The following WDFY4 variants were observed in gnomAD, a reference collection of about 807,000 sequenced individuals.
The protein encoded by WDFY4 is WD repeat- and FYVE domain-containing protein 4.
A neutral mutation model predicts 351.9 loss-of-function variants in WDFY4; 169 were observed. The observed-to-expected ratio is 0.48, with a 90% CI of 0.42 to 0.55. The LOEUF (loss-of-function observed/expected upper bound fraction) is 0.55, where lower values mean the gene tolerates loss of function less well. Ranked by LOEUF, WDFY4 falls within the 20% of genes least tolerant of loss-of-function variation. The pLI is 0.00. For missense variants in WDFY4, 3,803 were observed against 3,935.6 expected, an observed-to-expected ratio of 0.97 and a Z score of 0.90; for synonymous variants, 1,622 against 1,574.6, an observed-to-expected ratio of 1.03 and a Z score of -0.71.
At chr10:48,766,659 A>AT (rs1447681040) in intron 13 of WDFY4, among the ~76,000 whole-genome samples, 2 of 152,238 alleles carry the variant, frequency 1.3e-5, no homozygotes, top group African/African-American at 4.8e-5. Context: ...AGAAGAAGGG[A>AT]TAAAAAGCAA....
chr10:48,746,400 T>C (rs1238364565), intron 12 of WDFY4, among the ~76,000 whole-genome samples: 1 of 152,190 alleles, frequency 6.6e-6, no homozygotes, highest in East Asian at 1.9e-4. Flanking sequence ...GTGCCTGGGA[T>C]TTTTCTTCAT....
intron 1 of WDFY4, among the ~76,000 whole-genome samples, chr10:48,698,046 C>T (rs12245739): frequency 0.046 from 6,969 of 152,202 alleles, 279 homozygotes; most frequent in African/African-American, 0.1. Flanking sequence ...AGATGGCCTC[C>T]GAGGAGGGGA....
At chr10:48,801,537 A>G in intron 24 of WDFY4, 1 of 456,442 alleles carries the variant, frequency 2.2e-6, no homozygotes. Context: ...CTGGATACCC[A>G]TGTTTTCACT....
intron 39 of WDFY4, among the ~76,000 whole-genome samples, chr10:48,858,502 T>C (rs888456626): frequency 2.6e-5 from 4 of 152,204 alleles, no homozygotes; most frequent in African/African-American, 9.7e-5. Context: ...TGTCAAAAAT[T>C]AGTTGGGCAT....
intron 24 of WDFY4, among the ~76,000 whole-genome samples, chr10:48,800,708 TTCTTTCTTTCTTTCATTCTTTC>T (rs2067047696): frequency 7.2e-6 from 1 of 139,856 alleles, no homozygotes; most frequent in African/African-American, 2.9e-5. Context: ...CTTTCTTTCT[TTCTTTCTTTCTTTCATTCTTTC>T]TTTTTTTTTT....
intron 47 of WDFY4, among the ~76,000 whole-genome samples, chr10:48,905,783 G>C (rs1170099582): frequency 6.6e-6 from 1 of 152,348 alleles, no homozygotes; most frequent in East Asian, 1.9e-4. Context: ...ACAGCCCCGG[G>C]CTTCAGGATC....
At chr10:48,811,409 G>T in intron 29 of WDFY4, 130 bp from the exon 30 acceptor site, 1 of 759,672 alleles carries the variant, frequency 1.3e-6, no homozygotes, top group South Asian at 1.8e-5. Flanking sequence ...ATCTATGTGT[G>T]AATATATTTT....
At chr10:48,919,038 A>G (rs142358498) in intron 47 of WDFY4, among the ~76,000 whole-genome samples, 51 of 152,354 alleles carry the variant, frequency 3.3e-4, no homozygotes, top group African/African-American at 1.2e-3. Context: ...TCAAGTACAT[A>G]TGGAATATCC....
chr10:48,826,436 G>A (rs2068014893), intron 35 of WDFY4, among the ~76,000 whole-genome samples: 1 of 152,084 alleles, frequency 6.6e-6, no homozygotes, highest in Admixed American at 6.5e-5. Flanking sequence ...GCTTTGGATT[G>A]TCTTGGCTAT....
chr10:48,767,600 GCA>G, intron 13 of WDFY4, among the ~76,000 whole-genome samples: 1 of 152,290 alleles, frequency 6.6e-6, no homozygotes, highest in South Asian at 2.1e-4. Context: ...GTAGGGAGGG[GCA>G]GTTAGTCATC....
At position 48,820,348 on chromosome 10, in the gene WDFY4, C is replaced by A; in HGVS notation, c.5620C>A (p.Leu1874Met). 1 of 1,551,648 alleles carries A rather than the reference C, an allele frequency of 6.4e-7. No homozygotes were observed. Residue 1874 changes from leucine (L) to methionine (M), a missense_variant, in exon 33 of 62, where the codon CTG (leucine) becomes ATG (methionine). Leu to Met is a conservative substitution (Grantham distance 15, BLOSUM62 2). Coordinates refer to ENST00000325239, the MANE Select transcript of WDFY4 (RefSeq NM_001394531.1). ...PTKAHPARRK[L>M]REFTQLLLRE... ...CAAGGCACATCCCGCCCGGAGGAAG[C>A]TGAGGGAGTTCACGCAGCTCCTCTT... is the stretch of plus-strand genomic sequence containing the variant.
At chr10:48,918,541 A>G (rs746930718) in intron 47 of WDFY4, among the ~76,000 whole-genome samples, 2 of 152,238 alleles carry the variant, frequency 1.3e-5, no homozygotes, top group Non-Finnish European at 2.9e-5. Context: ...CTAAATGTGT[A>G]TGTACCTAAC....
chr10:48,754,536 CA>C (rs2065275587), intron 12 of WDFY4, among the ~76,000 whole-genome samples: 1 of 151,280 alleles, frequency 6.6e-6, no homozygotes, highest in Admixed American at 6.6e-5. Context: ...CTTTTTTTCT[CA>C]ATAGCACTTA....
intron 25 of WDFY4, chr10:48,804,633 C>T: frequency 1.3e-6 from 1 of 771,932 alleles, no homozygotes; most frequent in Non-Finnish European, 1.6e-6. Flanking sequence ...CCACATTTTT[C>T]TCCACCATTT....
chr10:48,959,937 C>A lies in WDFY4; in HGVS notation c.8223+124C>A, dbSNP rs904859791. 5 of 884,090 alleles carry A rather than the reference C, an allele frequency of 5.7e-6. No homozygotes were observed. In the African/African-American group the frequency reaches 6.8e-5, roughly 12 times the overall value. 54.8% of individuals were successfully genotyped at this position (884,090 alleles called of 1,614,324 possible). A position where few individuals can be genotyped will look rare whatever the true frequency, so the allele number is the denominator to read the frequency against. On this transcript the variant is annotated intron_variant, in intron 53 of 61. Transcript: ENST00000325239. ...ACTGTGAGGCTCATGTCTGGAAAAC[C>A]CAGAGAAGGGATGGGGTCTATACCT...
Position 48,822,472 on chromosome 10 carries a change from T to C in WDFY4, c.5917T>C (p.Tyr1973His). The change falls in exon 35 of 62, where the codon TAC becomes CAC. Residue 1973 changes from tyrosine (Y) to histidine (H), a missense_variant. Transcript: ENST00000325239. ...CFTQKLVEKL[Y>H]SGMFSADPRH... The stretch of plus-strand genomic sequence containing the variant: ...CACCCAGAAGCTGGTGGAGAAGCTG[T>C]ACAGTGGGATGTTCTCGGCAGACCC... 1 of 1,551,114 alleles carries C rather than the reference T, an allele frequency of 6.4e-7. No individual in the cohort carries two copies. The highest frequency in any genetic ancestry group is 1.2e-5 in the South Asian group (1 of 83,734).
In WDFY4 at chr10:48,811,594, G is replaced by A. The variant is rs574343349; in HGVS notation, c.5100G>A (p.Gly1700=). The change falls in exon 30 of 62, where the codon GGG becomes GGA. Residue 1700 remains glycine (G), a synonymous_variant. Coordinates refer to ENST00000325239, the MANE Select transcript of WDFY4 (RefSeq NM_001394531.1). ...AGCAAAGCCCATGCCTGCTTCCTGG[G>A]TTCCGTGTCTTGAATGACTTTCTGG... ...LPEQSPCLLP[G]FRVLNDFLAH... The A allele has an allele frequency of 5.3e-5, 83 of 1,552,136 alleles. 2 individuals carry two copies. In the South Asian group the frequency reaches 9.3e-4, roughly 17 times the overall value.
chr10:48,777,144 C>T (rs1474047515), intron 16 of WDFY4, among the ~76,000 whole-genome samples, 160 bp downstream of exon 16: 1 of 152,224 alleles, frequency 6.6e-6, no homozygotes, highest in Non-Finnish European at 1.5e-5. Context: ...AGCGGCCTCC[C>T]AGGGGCTGTG....
In WDFY4 at chr10:48,939,941, A is replaced by G. The variant is rs540969387; in HGVS notation, c.7587-1865A>G. The stretch of plus-strand genomic sequence containing the variant: ...GCAAAATTCTAGAACCTTGTCTGAA[A>G]GGGAGGAGAGCAGAGACTGAATCTC... On this transcript the variant is annotated intron_variant, in intron 47 of 61. Transcript: ENST00000325239. Among the ~76,000 whole-genome samples, 8 of 152,362 alleles carry G rather than the reference A, an allele frequency of 5.3e-5. No homozygotes were observed. The South Asian group carries it at 1.0e-3, about 20-fold the overall frequency.
Sources: gnomAD v4.1 joint callset for allele counts (sites outside exome capture counted in the v4.1 genomes callset) on GRCh38, gnomAD v4.1.1 for gene constraint, MANE v1.5 for transcripts, NCBI Gene and HGNC (gene_info 2026-07-23, HGNC 2026-07-21) for gene names.